Variants in TMTC3 observed in about 807,000 individuals in gnomAD.
TMTC3 encodes the protein protein O-mannosyl-transferase TMTC3.
A neutral mutation model predicts 92.2 loss-of-function variants in TMTC3; 52 were observed. The observed-to-expected ratio is 0.56, with a 90% CI of 0.45 to 0.71. The LOEUF (loss-of-function observed/expected upper bound fraction) is 0.71. TMTC3 is among the 30% of genes least tolerant of loss of function. The pLI is 0.00. For missense variants in TMTC3, 896 were observed against 1,057.1 expected, an observed-to-expected ratio of 0.85 and a Z score of 2.11; for synonymous variants, 339 against 363.3, an observed-to-expected ratio of 0.93 and a Z score of 0.76.
intron 10 of TMTC3, among the ~76,000 whole-genome samples, chr12:88,180,617 G>C (rs1228651625): frequency 6.6e-6 from 1 of 152,176 alleles, no homozygotes; most frequent in East Asian, 1.9e-4. Flanking sequence ...GGTAATGTTT[G>C]GGGCTTGTGT....
intron 1 of TMTC3, among the ~76,000 whole-genome samples, chr12:88,146,936 A>G (rs1287832273): frequency 6.7e-6 from 1 of 150,248 alleles, no homozygotes; most frequent in Non-Finnish European, 1.5e-5. Flanking sequence ...GTATTATTGT[A>G]TATTTTAAAA....
In TMTC3 at chr12:88,148,303, G is replaced by A; in HGVS notation, c.-13G>A. ...TTTTTTCCAGTTTTTGTCCAGAAGT[G>A]CTTATAGAAAAGATGGCTAATATTA... On this transcript the variant is annotated 5_prime_UTR_variant, in exon 2 of 14. Transcript: ENST00000266712. 2 of 1,589,942 alleles carry A rather than the reference G, an allele frequency of 1.3e-6. No homozygotes were observed. Among genetic ancestry groups the A allele is most frequent in the Non-Finnish European group, 1.7e-6 (2 of 1,167,820 alleles).
intron 11 of TMTC3, among the ~76,000 whole-genome samples, 193 bp downstream of exon 11, chr12:88,189,139 A>G (rs1366243752): frequency 1.3e-5 from 2 of 150,064 alleles, no homozygotes; most frequent in East Asian, 3.9e-4. Context: ...TATTGCCCAG[A>G]CTGGAGTGCA....
At chr12:88,166,254 T>TTTACTTAGTGTAAGTAAACACTTTACA in intron 6 of TMTC3, 76 bp from the exon 7 acceptor site, 1 of 1,355,840 alleles carries the variant, frequency 7.4e-7, no homozygotes, top group Non-Finnish European at 1.0e-6. Flanking sequence ...TGTTTATTGT[T>TTTACTTAGTGTAAGTAAACACTTTACA]TAGTGTTTTA....
chr12:88,149,926 A>G (rs2040921495), intron 2 of TMTC3, among the ~76,000 whole-genome samples: 1 of 152,198 alleles, frequency 6.6e-6, no homozygotes, highest in South Asian at 2.1e-4. Flanking sequence ...AGAGACCCTC[A>G]GAACTATGTG....
At chr12:88,192,023 T>TTTTC (rs1435245884) in intron 12 of TMTC3, among the ~76,000 whole-genome samples, 62 of 140,064 alleles carry the variant, frequency 4.4e-4, no homozygotes, top group African/African-American at 2.0e-3. Flanking sequence ...TCTTTTTTTT[T>TTTTC]TTTTCTTTTT....
At chr12:88,175,336 G>C (rs2041248075) in intron 9 of TMTC3, among the ~76,000 whole-genome samples, 1 of 152,148 alleles carries the variant, frequency 6.6e-6, no homozygotes. Flanking sequence ...TTCTTTAAAG[G>C]TTATCCGCAA....
In TMTC3 at chr12:88,196,472, ACT is replaced by A. The variant is rs1423067581; in HGVS notation, c.*826_*827del. The A allele has an allele frequency of 1.3e-5, 2 of 151,770 alleles. No homozygotes were observed. Among genetic ancestry groups the A allele is most frequent in the Non-Finnish European group, 1.5e-5 (1 of 67,698 alleles). 9.4% of individuals were successfully genotyped at this position (151,770 alleles called of 1,614,324 possible). A position where few individuals can be genotyped will look rare whatever the true frequency, so the allele number is the denominator to read the frequency against. Reference sequence around the variant, plus strand: ...TCGTAGTCATTGAGAAGTCCCAATAACTCTAAACTTTTGAGTTATAACGTAGT... The same window carrying A: ...TCGTAGTCATTGAGAAGTCCCAATAACTAAACTTTTGAGTTATAACGTAGT... On this transcript the variant is annotated 3_prime_UTR_variant, in exon 14 of 14. Coordinates refer to ENST00000266712, the MANE Select transcript of TMTC3 (RefSeq NM_181783.4).
intron 13 of TMTC3, among the ~76,000 whole-genome samples, chr12:88,194,079 A>G (rs1270734051): frequency 6.6e-6 from 1 of 152,034 alleles, no homozygotes; most frequent in Non-Finnish European, 1.5e-5. Context: ...AAAATCAGCA[A>G]GAAATGATGG....
chr12:88,143,598 C>T (rs1012505135), intron 1 of TMTC3, among the ~76,000 whole-genome samples: 1 of 152,164 alleles, frequency 6.6e-6, no homozygotes, highest in African/African-American at 2.4e-5. Flanking sequence ...TTGTGAAGTG[C>T]TTGTTCCTCA....
At chr12:88,157,882 GGT>G (rs1249327750) in intron 4 of TMTC3, among the ~76,000 whole-genome samples, 1 of 152,098 alleles carries the variant, frequency 6.6e-6, no homozygotes, top group Non-Finnish European at 1.5e-5. Context: ...TGAAGTGATT[GGT>G]TTCAGTAAGA....
chr12:88,191,918 C>G (rs1447252397), intron 12 of TMTC3, among the ~76,000 whole-genome samples: 1 of 151,678 alleles, frequency 6.6e-6, no homozygotes, highest in Non-Finnish European at 1.5e-5. Flanking sequence ...CCATGTTGGT[C>G]AGCTGGTCTC....
chr12:88,175,389 A>T (rs1422442663), intron 9 of TMTC3, among the ~76,000 whole-genome samples: 1 of 152,200 alleles, frequency 6.6e-6, no homozygotes, highest in Non-Finnish European at 1.5e-5. Context: ...CTCTTCAGAT[A>T]TCTGAATTTT....
chr12:88,176,406 T>C, intron 10 of TMTC3, 87 bp downstream of exon 10: 1 of 951,442 alleles, frequency 1.1e-6, no homozygotes, highest in Non-Finnish European at 1.6e-6. Context: ...GTTTATTTAC[T>C]AGCTTTATTC....
At chr12:88,156,958 C>T (rs1330404423) in intron 4 of TMTC3, among the ~76,000 whole-genome samples, 2 of 151,778 alleles carry the variant, frequency 1.3e-5, no homozygotes, top group African/African-American at 2.4e-5. Flanking sequence ...ATGTTGTTTT[C>T]TATACCTTTA....
chr12:88,192,644 AAGGAAGC>A lies in TMTC3; in HGVS notation c.1749_1755del (p.Lys583AsnfsTer6), dbSNP rs762940798. ...AAAAATGAATAAACCTCTTAAAGCA[AAGGAAGC>A]ATATCTTAAAGCACTAGAGCTGGAC... On this transcript the variant is annotated frameshift_variant, in exon 13 of 14. Transcript: ENST00000266712. LOFTEE classifies it high-confidence loss of function. 1.2e-6 allele frequency: 2 copies of A among 1,611,758 alleles called. No individual in the cohort carries two copies. Among genetic ancestry groups the A allele is most frequent in the South Asian group, 2.2e-5 (2 of 90,966 alleles).
At chr12:88,192,890 T>C (rs2041460641) in intron 13 of TMTC3, 60 bp downstream of exon 13, 2 of 1,378,176 alleles carry the variant, frequency 1.5e-6, no homozygotes, top group Admixed American at 2.2e-5. Flanking sequence ...TAATAAGACC[T>C]TAATTTAACT....
At chr12:88,151,572 G>A (rs1189031939) in intron 2 of TMTC3, among the ~76,000 whole-genome samples, 1 of 152,148 alleles carries the variant, frequency 6.6e-6, no homozygotes, top group African/African-American at 2.4e-5. Context: ...AATGAGTTAT[G>A]TGAATAATTA....
At chr12:88,191,856 C>T (rs574823881) in intron 12 of TMTC3, among the ~76,000 whole-genome samples, 9 of 151,918 alleles carry the variant, frequency 5.9e-5, no homozygotes, top group East Asian at 5.8e-4. Context: ...ACTACAGGCG[C>T]GTGCCACCAT....
Sources: allele counts gnomAD v4.1 joint callset (sites outside exome capture counted in the v4.1 genomes callset), GRCh38; gene constraint gnomAD v4.1.1; transcripts MANE v1.5; gene names NCBI Gene and HGNC (gene_info 2026-07-23, HGNC 2026-07-21).